Variants in SNRPC observed in about 807,000 individuals in gnomAD.
SNRPC encodes the protein U1 small nuclear ribonucleoprotein C.
SNRPC carries 5 observed loss-of-function variants against 20.0 expected under a neutral mutation model. The ratio of observed to expected loss-of-function variants is 0.25; its 90% confidence interval spans 0.13 to 0.53. The LOEUF is 0.53. Ranked by LOEUF, SNRPC falls within the 20% of genes least tolerant of loss-of-function variation. SNRPC has a pLI of 0.96. For synonymous variants in SNRPC, 61 were observed against 58.7 expected, an observed-to-expected ratio of 1.04 and a Z score of -0.18; for missense variants, 112 against 224.1, an observed-to-expected ratio of 0.50 and a Z score of 3.19.
chr6:34,765,481 G>C (rs1358702952), intron 3 of SNRPC, among the ~76,000 whole-genome samples: 1 of 151,930 alleles, frequency 6.6e-6, no homozygotes, highest in Admixed American at 6.6e-5. Flanking sequence ...CCATTGCCCA[G>C]GTTGGAGTGC....
At chr6:34,770,430 A>G in intron 5 of SNRPC, 35 bp downstream of exon 5, 2 of 1,386,142 alleles carry the variant, frequency 1.4e-6, no homozygotes, top group Non-Finnish European at 2.1e-6. Flanking sequence ...AGTTTGTTCC[A>G]TTTAGTTTAG....
In SNRPC at chr6:34,767,988, C is replaced by T; in HGVS notation, c.241C>T (p.Pro81Ser). The T allele has an allele frequency of 6.2e-7, 1 of 1,612,260 alleles. No individual in the cohort carries two copies. Residue 81 changes from proline to serine, a missense_variant, in exon 4 of 6, where the codon CCC becomes TCC. Transcript: ENST00000244520. ...TGCAGGGGCGATGATACCACCTCCC[C>T]CCAGCCTTCGTAAGTTTAAACTTTT... is the stretch of plus-strand genomic sequence containing the variant. ...PPAGAMIPPP[P>S]SLPGPPRPGM... is the part of the protein sequence containing the mutation.
At chr6:34,765,010 G>A (rs1764595805) in intron 3 of SNRPC, among the ~76,000 whole-genome samples, 1 of 151,940 alleles carries the variant, frequency 6.6e-6, no homozygotes, top group African/African-American at 2.4e-5. Flanking sequence ...AACAGAGCGA[G>A]ACTCTGTCTG....
At chr6:34,769,804 T>G (rs1414590547) in intron 4 of SNRPC, among the ~76,000 whole-genome samples, 1 of 152,206 alleles carries the variant, frequency 6.6e-6, no homozygotes, top group Admixed American at 6.6e-5. Flanking sequence ...TTCTTGCTTT[T>G]TATTCATAGA....
intron 5 of SNRPC, among the ~76,000 whole-genome samples, chr6:34,772,202 A>G (rs1764700575): frequency 6.6e-6 from 1 of 152,106 alleles, no homozygotes; most frequent in South Asian, 2.1e-4. Context: ...TGTTCATTAT[A>G]CTCTTCTTTA....
intron 2 of SNRPC, among the ~76,000 whole-genome samples, chr6:34,761,740 A>G (rs1764540299): frequency 6.6e-6 from 1 of 151,202 alleles, no homozygotes; most frequent in Admixed American, 6.6e-5. Context: ...TCTCGATCTG[A>G]CCTTGTGATC....
In SNRPC at chr6:34,770,217, C is replaced by T. The variant is rs145304700; in HGVS notation, c.251-74C>T. ...GGCCTGGGCAACAAGAACGAAACTC[C>T]GTCTCAAAAAAAAAGAAGAGAAAAT... On this transcript the variant is annotated intron_variant, in intron 4 of 5. Coordinates refer to ENST00000244520, the MANE Select transcript of SNRPC (RefSeq NM_003093.3). The T allele has an allele frequency of 1.0e-3, 1,148 of 1,120,802 alleles. 1 individual carries two copies. The highest frequency in any genetic ancestry group is 1.4e-3 in the Non-Finnish European group (1,061 of 736,430). 69.4% of individuals were successfully genotyped at this position (1,120,802 alleles called of 1,614,324 possible).
intron 3 of SNRPC, 128 bp downstream of exon 3, chr6:34,762,831 A>C (rs1437936306): frequency 3.1e-6 from 2 of 637,324 alleles, no homozygotes; most frequent in Admixed American, 5.7e-5. Flanking sequence ...TGTCGAATGA[A>C]AGAAGCAGAA....
intron 2 of SNRPC, among the ~76,000 whole-genome samples, chr6:34,758,877 G>A (rs1764488895): frequency 6.6e-6 from 1 of 151,740 alleles, no homozygotes; most frequent in Non-Finnish European, 1.5e-5. Flanking sequence ...AGCTGGGCGC[G>A]GTGGCGGGCG....
At chr6:34,760,180 T>C (rs1764516711) in intron 2 of SNRPC, among the ~76,000 whole-genome samples, 1 of 151,238 alleles carries the variant, frequency 6.6e-6, no homozygotes, top group Non-Finnish European at 1.5e-5. Context: ...TGGCGCGATC[T>C]TGTTTCACTG....
intron 3 of SNRPC, among the ~76,000 whole-genome samples, chr6:34,767,107 G>C (rs1160148173): frequency 6.6e-6 from 1 of 152,076 alleles, no homozygotes; most frequent in African/African-American, 2.4e-5. Context: ...TGAAATCTTT[G>C]TATGTTTTAA....
chr6:34,760,404 G>T (rs1430331915), intron 2 of SNRPC, among the ~76,000 whole-genome samples: 1 of 152,028 alleles, frequency 6.6e-6, no homozygotes, highest in South Asian at 2.1e-4. Flanking sequence ...CATTGTCCTA[G>T]AATAGAGTGC....
intron 2 of SNRPC, among the ~76,000 whole-genome samples, chr6:34,761,784 C>T (rs1000155744): frequency 6.6e-6 from 1 of 151,328 alleles, no homozygotes; most frequent in African/African-American, 2.4e-5. Flanking sequence ...GCTGGGATTA[C>T]AGGCTTGAGC....
intron 3 of SNRPC, among the ~76,000 whole-genome samples, chr6:34,763,026 A>G (rs1764557792): frequency 6.6e-6 from 1 of 152,204 alleles, no homozygotes; most frequent in African/African-American, 2.4e-5. Flanking sequence ...GTAGTAATCC[A>G]CAGGTTTTAG....
rs146969682 is a variant in SNRPC at position 34,770,593 on chromosome 6, G to T, written c.355+198G>T. Among the ~76,000 whole-genome samples the T allele has an allele frequency of 6.1e-3, 926 of 152,262 alleles. 10 individuals are homozygous for T. Among genetic ancestry groups the T allele is most frequent in the African/African-American group, 0.021 (885 of 41,538 alleles). ...GTACTATTGTAACAAATTAAATTTG[G>T]TCAATTATTAATGATAAAGAAAAAG... is the stretch of plus-strand genomic sequence containing the variant. On this transcript the variant is annotated intron_variant, in intron 5 of 5. Coordinates refer to ENST00000244520, the MANE Select transcript of SNRPC (RefSeq NM_003093.3).
At chr6:34,757,790 G>T (rs1764473523) in intron 1 of SNRPC, 122 bp from the exon 2 acceptor site, 2 of 1,596,456 alleles carry the variant, frequency 1.3e-6, no homozygotes, top group East Asian at 4.5e-5. Context: ...CTTTTGAGTC[G>T]TGAGGCGGTC....
chr6:34,767,955 C>T lies in SNRPC; in HGVS notation c.208C>T (p.Pro70Ser). 6.2e-7 allele frequency: 1 copy of T among 1,610,562 alleles called. No individual in the cohort carries two copies. Among genetic ancestry groups the T allele is most frequent in the East Asian group, 2.2e-5 (1 of 44,722 alleles). The change falls in exon 4 of 6, where the codon CCT becomes TCT. Residue 70 changes from proline (P) to serine (S), a missense_variant. Coordinates refer to ENST00000244520, the MANE Select transcript of SNRPC (RefSeq NM_003093.3). Reference protein sequence around the residue: ...GKIPPTPFSAPPPAGAMIPPP... With the variant: ...GKIPPTPFSASPPAGAMIPPP... ...GATACCTCCTACTCCATTCTCTGCTCCTCCTCCTGCAGGGGCGATGATACC... is the reference window on the plus strand; with the variant it reads ...GATACCTCCTACTCCATTCTCTGCTTCTCCTCCTGCAGGGGCGATGATACC...
chr6:34,773,592 G>T lies in SNRPC; in HGVS notation c.*22G>T. On this transcript the variant is annotated 3_prime_UTR_variant, in exon 6 of 6. Coordinates refer to ENST00000244520, the MANE Select transcript of SNRPC (RefSeq NM_003093.3). The surrounding 1 kb of genome is among the most constrained non-coding windows in gnomAD (Gnocchi z 4.1). ...ATAAGGATAGAGGGGAGGCCTTATT[G>T]TATCGGTTTTATATTACCTGTTCTG... 1.2e-6 allele frequency: 2 copies of T among 1,610,028 alleles called. No individual in the cohort carries two copies. The highest frequency in any genetic ancestry group is 1.7e-6 in the Non-Finnish European group (2 of 1,177,638).
At chr6:34,765,742 C>A (rs1764604692) in intron 3 of SNRPC, among the ~76,000 whole-genome samples, 1 of 151,650 alleles carries the variant, frequency 6.6e-6, no homozygotes. Flanking sequence ...CATGCCCAGT[C>A]ACAATTTTTT....
Sources: allele counts gnomAD v4.1 joint callset (sites outside exome capture counted in the v4.1 genomes callset), GRCh38; gene constraint gnomAD v4.1.1; non-coding constraint Gnocchi (gnomAD v3.1); transcripts MANE v1.5; gene names NCBI Gene and HGNC (gene_info 2026-07-23, HGNC 2026-07-21).